Variants in MTO1 observed in about 807,000 individuals in gnomAD.
MTO1 encodes the protein 5-taurinomethyluridine-[tRNA] synthase subunit MTO1, mitochondrial.
MTO1 carries 46 observed loss-of-function variants against 71.6 expected under a neutral mutation model. The ratio of observed to expected loss-of-function variants is 0.64; its 90% CI spans 0.51 to 0.82. MTO1 has a LOEUF of 0.82. Ranked by LOEUF, MTO1 falls within the 40% of genes least tolerant of loss-of-function variation. The probability of loss-of-function intolerance (pLI) is 0.00; values close to 1 mark genes in which losing one functional copy is unlikely to be tolerated. For synonymous variants in MTO1, 297 were observed against 312.1 expected (o/e 0.95, Z 0.51); for missense variants, 773 against 867.5 (o/e 0.89, Z 1.37).
At chr6:73,462,300 G>T (rs1770847833) in intron 1 of MTO1, 1 of 581,516 alleles carries the variant, frequency 1.7e-6, no homozygotes, top group Non-Finnish European at 3.0e-6. Context: ...ACAGTCGTCC[G>T]TTGTAGGAGG....
rs577443212 is a variant in MTO1 at position 73,464,704 on chromosome 6, G to A, written c.218-1505G>A. Among the ~76,000 whole-genome samples the A allele has an allele frequency of 8.6e-5, 13 of 151,126 alleles. No individual in the cohort carries two copies. The East Asian group carries it at 2.3e-3, about 27-fold the overall frequency. On this transcript the variant is annotated intron_variant, in intron 1 of 11. Coordinates refer to ENST00000498286, the MANE Select transcript of MTO1 (RefSeq NM_012123.4). Reference sequence around the variant, plus strand: ...AAGAAAATTAGCCAGGCGTGGTGGCGTATGCCTGTAATCCCAGCTACTTGG... The same window carrying A: ...AAGAAAATTAGCCAGGCGTGGTGGCATATGCCTGTAATCCCAGCTACTTGG...
At chr6:73,489,689 T>C (rs137931230) in intron 9 of MTO1, among the ~76,000 whole-genome samples, 2 of 152,294 alleles carry the variant, frequency 1.3e-5, no homozygotes, top group Non-Finnish European at 2.9e-5. Flanking sequence ...CTATCATTGA[T>C]GGACATTTGG....
At chr6:73,487,353 A>C (rs896171612) in intron 9 of MTO1, among the ~76,000 whole-genome samples, 8 of 151,544 alleles carry the variant, frequency 5.3e-5, no homozygotes, top group Non-Finnish European at 1.2e-4. Context: ...CAGTAATCCC[A>C]GCTACTTTTT....
In MTO1 at chr6:73,503,596, A is replaced by C. The variant is rs1172937393; in HGVS notation, c.*2861A>C. 1 of 152,222 alleles carries C rather than the reference A, an allele frequency of 6.6e-6. No individual in the cohort carries two copies. The highest frequency in any genetic ancestry group is 2.4e-5 in the African/African-American group (1 of 41,458). The allele number at this position is 152,222 out of a possible 1,614,324, so 9.4% of individuals were successfully genotyped here. The stretch of plus-strand genomic sequence containing the variant: ...GTAGTTACTTCATAGAAATCCCATC[A>C]CTGACAATAATCAGCTGCCAACGAA... On this transcript the variant is annotated 3_prime_UTR_variant, in exon 12 of 12. Coordinates refer to ENST00000498286, the MANE Select transcript of MTO1 (RefSeq NM_012123.4).
At chr6:73,462,343 A>AGAG (rs1290093352) in intron 1 of MTO1, 1 of 523,998 alleles carries the variant, frequency 1.9e-6, no homozygotes, top group Non-Finnish European at 3.4e-6. Context: ...TGGGAAAGGG[A>AGAG]GCTACCAACT....
intron 3 of MTO1, among the ~76,000 whole-genome samples, chr6:73,469,400 G>A (rs560845799): frequency 2.9e-3 from 447 of 152,048 alleles, no homozygotes; most frequent in African/African-American, 9.9e-3. Context: ...TGAGGCGGGC[G>A]GATCACTGAG....
At position 73,506,199 on chromosome 6, in the gene MTO1, G is replaced by C. The variant is rs1206994744; in HGVS notation, c.*5464G>C. 6.6e-6 allele frequency: 1 copy of C among 152,062 alleles called. No individual in the cohort carries two copies. The highest frequency in any genetic ancestry group is 2.4e-5 in the African/African-American group (1 of 41,322). The allele number at this position is 152,062 out of a possible 1,614,324, so 9.4% of individuals were successfully genotyped here. On this transcript the variant is annotated 3_prime_UTR_variant, in exon 12 of 12. Coordinates refer to ENST00000498286, the MANE Select transcript of MTO1 (RefSeq NM_012123.4). ...TTCACCATGTTAGCCAGATGGTCTC[G>C]ATCTCCTGACCTCGTGATCCACCTC... is the stretch of plus-strand genomic sequence containing the variant.
intron 7 of MTO1, among the ~76,000 whole-genome samples, chr6:73,481,496 G>C (rs1259424705): frequency 6.6e-6 from 1 of 151,870 alleles, no homozygotes; most frequent in Non-Finnish European, 1.5e-5. Context: ...GCTGGGCATG[G>C]TGCGTCACAC....
chr6:73,466,592 G>T lies in MTO1; in HGVS notation c.521G>T (p.Ser174Ile), dbSNP rs200547196. The T allele has an allele frequency of 6.2e-7, 1 of 1,614,010 alleles. No homozygotes were observed. Among genetic ancestry groups the T allele is most frequent in the Non-Finnish European group, 8.5e-7 (1 of 1,179,896 alleles). Residue 174 changes from serine to isoleucine, a missense_variant, in exon 3 of 12, where the codon AGT (serine) becomes ATT (isoleucine). Ser to Ile is a moderately radical substitution (Grantham distance 142, BLOSUM62 -2). Coordinates refer to ENST00000498286, the MANE Select transcript of MTO1 (RefSeq NM_012123.4). ...GAACACACTGGGAAATGCCGTGTCA[G>T]TGGGGTTGTTTTGGGTACGTATTGG... ...EPEHTGKCRV[S>I]GVVLVDGSTV...
At chr6:73,497,046 CTG>C (rs1272675149) in intron 10 of MTO1, among the ~76,000 whole-genome samples, 2 of 151,184 alleles carry the variant, frequency 1.3e-5, no homozygotes, top group African/African-American at 2.4e-5. Flanking sequence ...AAGCAAGACT[CTG>C]TCTCAAAAAA....
intron 10 of MTO1, 63 bp downstream of exon 10, chr6:73,492,415 G>GTAATAATGGATCTGTTGTCT: frequency 9.0e-7 from 1 of 1,114,370 alleles, no homozygotes; most frequent in Non-Finnish European, 1.4e-6. Context: ...ATAGACAACA[G>GTAATAATGGATCTGTTGTCT]ATCCATTATT....
intron 3 of MTO1, among the ~76,000 whole-genome samples, chr6:73,468,637 T>C (rs1366034094): frequency 6.6e-6 from 1 of 151,898 alleles, no homozygotes; most frequent in Non-Finnish European, 1.5e-5. Context: ...AGACAGAGTC[T>C]CACTCTGTCA....
At chr6:73,476,439 CG>C (rs1771324363) in intron 4 of MTO1, among the ~76,000 whole-genome samples, 1 of 138,660 alleles carries the variant, frequency 7.2e-6, no homozygotes, top group South Asian at 2.3e-4. Flanking sequence ...TTTAAAAAGA[CG>C]GAGAAAAACA....
At chr6:73,468,178 T>C (rs1335405693) in intron 3 of MTO1, among the ~76,000 whole-genome samples, 2 of 151,834 alleles carry the variant, frequency 1.3e-5, no homozygotes, top group African/African-American at 4.8e-5. Context: ...AGTGCAGTGG[T>C]ACCATCTTGG....
rs1348783229 is a variant in MTO1, at chr6:73,480,345, T to A, written c.1129+219T>A. 56 of 691,160 alleles carry A rather than the reference T, an allele frequency of 8.1e-5. No homozygotes were observed. The East Asian group carries it at 1.6e-3, about 20-fold the overall frequency. The allele number at this position is 691,160 out of a possible 1,614,324, so 42.8% of individuals were successfully genotyped here. On this transcript the variant is annotated intron_variant, in intron 6 of 11. Coordinates refer to ENST00000498286, the MANE Select transcript of MTO1 (RefSeq NM_012123.4). ...TGGAGTGCAATGGTGCGATCTCGGC[T>A]CACCACAACCTCCCCCTGCCAGGTT...
chr6:73,490,723 T>TAAA (rs11441991), intron 9 of MTO1, among the ~76,000 whole-genome samples: 2 of 143,804 alleles, frequency 1.4e-5, no homozygotes, highest in African/African-American at 5.1e-5. Flanking sequence ...TTTCTATTTC[T>TAAA]AAAAAAAAAA....
At chr6:73,485,525 G>A (rs1421160016) in intron 9 of MTO1, among the ~76,000 whole-genome samples, 3 of 150,520 alleles carry the variant, frequency 2.0e-5, no homozygotes, top group Admixed American at 1.3e-4. Context: ...TGCAACCTCC[G>A]CCTCCTGGGT....
rs1435036938 is a variant in MTO1, at chr6:73,503,843, C to T, written c.*3108C>T. 2.0e-5 allele frequency: 3 copies of T among 152,156 alleles called. No homozygotes were observed. The highest frequency in any genetic ancestry group is 1.3e-4 in the Admixed American group (2 of 15,270). 9.4% of individuals were successfully genotyped at this position (152,156 alleles called of 1,614,324 possible). On this transcript the variant is annotated 3_prime_UTR_variant, in exon 12 of 12. Coordinates refer to ENST00000498286, the MANE Select transcript of MTO1 (RefSeq NM_012123.4). ...CCTTGAAAATGAAGTTCCTTTATAGCCAAGAGCTTAAATTTTGTTACTGAT... is the reference window on the plus strand; with the variant it reads ...CCTTGAAAATGAAGTTCCTTTATAGTCAAGAGCTTAAATTTTGTTACTGAT...
At chr6:73,490,490 G>A (rs1324389626) in intron 9 of MTO1, among the ~76,000 whole-genome samples, 2 of 152,140 alleles carry the variant, frequency 1.3e-5, no homozygotes, top group African/African-American at 4.8e-5. Flanking sequence ...AAGGGATCCA[G>A]TTTCAGCTTT....
Sources: allele counts gnomAD v4.1 joint callset (sites outside exome capture counted in the v4.1 genomes callset), GRCh38; gene constraint gnomAD v4.1.1; transcripts MANE v1.5; gene names NCBI Gene and HGNC (gene_info 2026-07-23, HGNC 2026-07-21).